Variants in TAFA4 observed in about 807,000 individuals in gnomAD.
The protein encoded by TAFA4 is chemokine-like protein TAFA-4.
A neutral mutation model predicts 21.1 loss-of-function variants in TAFA4; 20 were observed. That is an observed-to-expected ratio of 0.95 (90% CI 0.67 to 1.38). The LOEUF (loss-of-function observed/expected upper bound fraction) is 1.38. Among genes scored for constraint, TAFA4 ranks in the 40% most tolerant of loss-of-function variants. The pLI, the probability that TAFA4 is intolerant of heterozygous loss-of-function variation, is 0.00. For synonymous variants in TAFA4, 71 were observed against 67.4 expected (o/e 1.05, Z -0.26); for missense variants, 211 against 180.9 (o/e 1.17, Z -0.95).
At chr3:68,907,117 T>C (rs1487193533) in intron 1 of TAFA4, among the ~76,000 whole-genome samples, 1 of 150,230 alleles carries the variant, frequency 6.7e-6, no homozygotes, top group Non-Finnish European at 1.5e-5. Context: ...CCATGGTACA[T>C]TACACCCATC....
chr3:68,815,571 T>C (rs1051570308), intron 3 of TAFA4, among the ~76,000 whole-genome samples: 2 of 152,180 alleles, frequency 1.3e-5, no homozygotes, highest in South Asian at 2.1e-4. Flanking sequence ...AAATGTTCAT[T>C]ATCACTGGCC....
chr3:68,736,413 T>C (rs1333615988), intron 5 of TAFA4, among the ~76,000 whole-genome samples: 1 of 152,152 alleles, frequency 6.6e-6, no homozygotes, highest in East Asian at 1.9e-4. Context: ...GTTAGGGAAT[T>C]ATCCTCTCTC....
intron 3 of TAFA4, among the ~76,000 whole-genome samples, chr3:68,760,963 C>G (rs1702746188): frequency 6.6e-6 from 1 of 152,158 alleles, no homozygotes; most frequent in Admixed American, 6.5e-5. Flanking sequence ...GAGAGAGACC[C>G]CTGTGGTCTC....
At chr3:68,785,642 C>T (rs1042791124) in intron 3 of TAFA4, among the ~76,000 whole-genome samples, 1 of 152,256 alleles carries the variant, frequency 6.6e-6, no homozygotes, top group Admixed American at 6.5e-5. Flanking sequence ...CCCGTCCGCA[C>T]CTCTCCCTCC....
chr3:68,785,482 C>A (rs1703235513), intron 3 of TAFA4, among the ~76,000 whole-genome samples: 2 of 152,370 alleles, frequency 1.3e-5, no homozygotes, highest in South Asian at 4.1e-4. Flanking sequence ...CAGCTAAGGC[C>A]CGGCGAGAAA....
At chr3:68,920,882 C>T (rs1559563978) in intron 1 of TAFA4, among the ~76,000 whole-genome samples, 1 of 152,056 alleles carries the variant, frequency 6.6e-6, no homozygotes, top group Non-Finnish European at 1.5e-5. Flanking sequence ...AAAATTAGGA[C>T]AATTTTGTTG....
chr3:68,918,777 G>C (rs1233878047), intron 1 of TAFA4, among the ~76,000 whole-genome samples: 10 of 152,206 alleles, frequency 6.6e-5, no homozygotes, highest in Non-Finnish European at 1.2e-4. Flanking sequence ...CTGGGCTCAA[G>C]AAATCTGCCC....
intron 3 of TAFA4, among the ~76,000 whole-genome samples, chr3:68,824,996 G>C (rs1704195436): frequency 6.6e-6 from 1 of 152,102 alleles, no homozygotes; most frequent in South Asian, 2.1e-4. Flanking sequence ...TTAAGTTCTG[G>C]GGTACATGTA....
intron 1 of TAFA4, among the ~76,000 whole-genome samples, chr3:68,904,307 T>C (rs976049588): frequency 6.6e-6 from 1 of 152,102 alleles, no homozygotes; most frequent in African/African-American, 2.4e-5. Context: ...GATTCCATGA[T>C]TGCATCTTTA....
At chr3:68,809,155 C>T (rs1226113332) in intron 3 of TAFA4, among the ~76,000 whole-genome samples, 1 of 152,180 alleles carries the variant, frequency 6.6e-6, no homozygotes, top group Non-Finnish European at 1.5e-5. Flanking sequence ...CCCTTTTACC[C>T]TAGAACACAG....
chr3:68,838,877 G>A (rs1315391390), intron 3 of TAFA4, among the ~76,000 whole-genome samples: 1 of 152,066 alleles, frequency 6.6e-6, no homozygotes, highest in Non-Finnish European at 1.5e-5. Flanking sequence ...CAGGTAGATC[G>A]CTTGAGCCCA....
chr3:68,837,241 C>T (rs1704545921), intron 3 of TAFA4, among the ~76,000 whole-genome samples: 1 of 152,210 alleles, frequency 6.6e-6, no homozygotes, highest in Admixed American at 6.5e-5. Context: ...CAAGAACAGG[C>T]ATCATCAGCA....
chr3:68,918,609 G>T (rs7616316), intron 1 of TAFA4, among the ~76,000 whole-genome samples: 34,464 of 152,116 alleles, frequency 0.23, 3,965 homozygotes, highest in Middle Eastern at 0.33. Context: ...GCAATCACGG[G>T]TCACTGCAGC....
At chr3:68,874,147 C>T (rs1158287636) in intron 3 of TAFA4, among the ~76,000 whole-genome samples, 3 of 152,150 alleles carry the variant, frequency 2.0e-5, no homozygotes, top group Non-Finnish European at 2.9e-5. Flanking sequence ...CTAACCCTGT[C>T]GGACTTAGTT....
intron 3 of TAFA4, among the ~76,000 whole-genome samples, chr3:68,794,488 CTT>C (rs947676501): frequency 3.9e-5 from 6 of 152,188 alleles, no homozygotes; most frequent in Admixed American, 1.3e-4. Context: ...CTTCAGATGA[CTT>C]TCTCTCCTCC....
intron 3 of TAFA4, among the ~76,000 whole-genome samples, chr3:68,872,857 G>C (rs1298790331): frequency 1.3e-5 from 2 of 152,088 alleles, no homozygotes; most frequent in Non-Finnish European, 2.9e-5. Context: ...TTTGCCCAGG[G>C]TCACATAGGT....
At chr3:68,871,794 G>GA (rs1446953644) in intron 3 of TAFA4, among the ~76,000 whole-genome samples, 1 of 152,058 alleles carries the variant, frequency 6.6e-6, no homozygotes, top group Non-Finnish European at 1.5e-5. Flanking sequence ...ACAGGTATAT[G>GA]AAAAAATGCT....
intron 1 of TAFA4, among the ~76,000 whole-genome samples, chr3:68,910,150 AT>A (rs1468277549): frequency 2.0e-5 from 3 of 152,218 alleles, no homozygotes; most frequent in Non-Finnish European, 4.4e-5. Context: ...GCAGAGTTTT[AT>A]ATAACATAAT....
At chr3:68,921,785 T>C (rs980446713) in intron 1 of TAFA4, among the ~76,000 whole-genome samples, 10 of 152,236 alleles carry the variant, frequency 6.6e-5, no homozygotes, top group Non-Finnish European at 1.5e-4. Flanking sequence ...ATTGAAGCCT[T>C]GTTTTTTCCT....
Sources: gnomAD v4.1 joint callset for allele counts (sites outside exome capture counted in the v4.1 genomes callset) on GRCh38, gnomAD v4.1.1 for gene constraint, MANE v1.5 for transcripts, NCBI Gene and HGNC (gene_info 2026-07-23, HGNC 2026-07-21) for gene names.